The following LARS1 variants were observed in gnomAD, a reference collection of about 807,000 sequenced individuals.
LARS1 encodes leucyl-tRNA synthetase 1, also known as leucine--tRNA ligase, cytoplasmic.
A neutral mutation model predicts 162.8 loss-of-function variants in LARS1; 100 were observed. The ratio of observed to expected loss-of-function variants is 0.61; its 90% CI spans 0.52 to 0.73. LARS1 has a LOEUF of 0.73. Ranked by LOEUF, LARS1 falls within the 30% of genes least tolerant of loss-of-function variation. LARS1 has a pLI of 0.00. For missense variants in LARS1, 1,258 were observed against 1,408.9 expected (o/e 0.89, Z 1.71); for synonymous variants, 457 against 462.8 (o/e 0.99, Z 0.16).
rs1425057563 is a variant in LARS1 at position 146,164,753 on chromosome 5, G to A, written c.433-282C>T. 2.0e-5 allele frequency among the ~76,000 whole-genome samples: 3 copies of A among 152,114 alleles called. No individual in the cohort carries two copies. In the South Asian group the frequency reaches 6.2e-4, roughly 31 times the overall value. ...AACATAAAGAACTACCCATTATGAA[G>A]ATAAGATCTCAATACCAAACCTTCT... is the stretch of plus-strand genomic sequence containing the variant. On this transcript the variant is annotated intron_variant, in intron 5 of 31. Transcript: ENST00000394434.
intron 3 of LARS1, among the ~76,000 whole-genome samples, chr5:146,172,397 T>A (rs1243248831): frequency 6.6e-6 from 1 of 151,934 alleles, no homozygotes; most frequent in African/African-American, 2.4e-5. Flanking sequence ...GTGCCTGTAG[T>A]CCCAGCTACT....
chr5:146,134,414 G>C (rs1028851752), intron 22 of LARS1, among the ~76,000 whole-genome samples: 1 of 152,032 alleles, frequency 6.6e-6, no homozygotes, highest in Non-Finnish European at 1.5e-5. Context: ...TTTGGATACA[G>C]TTCCGTCTTT....
intron 5 of LARS1, among the ~76,000 whole-genome samples, chr5:146,166,534 T>C (rs1303823055): frequency 6.6e-6 from 1 of 151,086 alleles, no homozygotes; most frequent in East Asian, 1.9e-4. Context: ...TGAGACTCCA[T>C]CTCTTAAAAA....
intron 2 of LARS1, among the ~76,000 whole-genome samples, chr5:146,175,781 T>C (rs1262730917): frequency 6.6e-6 from 1 of 150,748 alleles, no homozygotes; most frequent in African/African-American, 2.4e-5. Flanking sequence ...TGAGCCGAGA[T>C]TGCGCCACTG....
At chr5:146,135,462 T>C in intron 22 of LARS1, 139 bp downstream of exon 22, 1 of 622,532 alleles carries the variant, frequency 1.6e-6, no homozygotes, top group South Asian at 2.0e-5. Flanking sequence ...ATGTTGCTCA[T>C]CCACAAAGGA....
chr5:146,165,590 C>T (rs1240869737), intron 5 of LARS1, among the ~76,000 whole-genome samples: 2 of 151,672 alleles, frequency 1.3e-5, no homozygotes, highest in Non-Finnish European at 2.9e-5. Context: ...AATTCAACCA[C>T]GATGCTGAAG....
rs1460465185 is a variant in LARS1, at chr5:146,173,268, C to A, written c.126-494G>T. Among the ~76,000 whole-genome samples the A allele has an allele frequency of 4.0e-5, 6 of 151,742 alleles. No homozygotes were observed. The East Asian group carries it at 1.2e-3, about 30-fold the overall frequency. On this transcript the variant is annotated intron_variant, in intron 2 of 31. Transcript: ENST00000394434. Reference sequence around the variant, plus strand: ...GCATGAGAATCAAGAATCGCCTGATCATTGAACCTGAGAGGCAGAGGTTGC... The same window carrying A: ...GCATGAGAATCAAGAATCGCCTGATAATTGAACCTGAGAGGCAGAGGTTGC...
At position 146,123,991 on chromosome 5, in the gene LARS1, A is replaced by C; in HGVS notation, c.3087T>G (p.Asn1029Lys). The C allele has an allele frequency of 6.3e-7, 1 of 1,592,846 alleles. No individual in the cohort carries two copies. The highest frequency in any genetic ancestry group is 8.6e-7 in the Non-Finnish European group (1 of 1,162,326). ...TCCCTGGCCCTCTTACCTCAAGCGA[A>C]TTAGTCAGATAGACTATATTCTCCA... ...VLMENIVYLTNSLELEHIEVK... is the reference protein window; with the variant it reads ...VLMENIVYLTKSLELEHIEVK... Residue 1029 changes from asparagine (N) to lysine (K), a missense_variant, in exon 29 of 32, where the codon AAT becomes AAG. By Grantham distance (94) the Asn-to-Lys change is moderately conservative (BLOSUM62 0). Transcript: ENST00000394434.
intron 1 of LARS1, among the ~76,000 whole-genome samples, chr5:146,180,134 G>A (rs1298450715): frequency 2.6e-5 from 4 of 152,184 alleles, no homozygotes; most frequent in African/African-American, 9.7e-5. Context: ...GGAACACTGA[G>A]GCCAGAGGAT....
chr5:146,155,621 C>A (rs538631166), intron 10 of LARS1, among the ~76,000 whole-genome samples: 1 of 152,200 alleles, frequency 6.6e-6, no homozygotes. Context: ...TTCCCACCCA[C>A]CCCTCTTTAT....
At chr5:146,165,873 G>A (rs530932262) in intron 5 of LARS1, among the ~76,000 whole-genome samples, 39 of 152,286 alleles carry the variant, frequency 2.6e-4, no homozygotes, top group African/African-American at 9.1e-4. Context: ...TGAGAGCCAA[G>A]TTTCTCACTG....
At chr5:146,153,857 T>C in intron 11 of LARS1, 36 bp downstream of exon 11, 2 of 1,607,730 alleles carry the variant, frequency 1.2e-6, no homozygotes, top group Non-Finnish European at 1.7e-6. Context: ...AAAATGTGTT[T>C]ATCAAAATAT....
At chr5:146,146,177 C>T (rs1379156925) in intron 15 of LARS1, among the ~76,000 whole-genome samples, 1 of 151,968 alleles carries the variant, frequency 6.6e-6, no homozygotes, top group Non-Finnish European at 1.5e-5. Flanking sequence ...CCCGTCTCTA[C>T]TAAAAATACA....
At chr5:146,157,892 G>T in intron 8 of LARS1, 97 bp from the exon 9 acceptor site, 1 of 1,193,330 alleles carries the variant, frequency 8.4e-7, no homozygotes, top group Non-Finnish European at 1.2e-6. Flanking sequence ...CCCTAAAATG[G>T]GTTCTTGCAT....
chr5:146,144,310 T>TA lies in LARS1; in HGVS notation c.1694dup (p.Leu565PhefsTer23). 1 of 1,613,712 alleles carries TA rather than the reference T, an allele frequency of 6.2e-7. No individual in the cohort carries two copies. Among genetic ancestry groups the TA allele is most frequent in the East Asian group, 2.2e-5 (1 of 44,868 alleles). ...AGCAAGCATGTTCTTGTAGCCAACC[T>TA]AAGGTGGCTTCAAAATTCCTCCTGG... On this transcript the variant is annotated frameshift_variant, in exon 18 of 32. Coordinates refer to ENST00000394434, the MANE Select transcript of LARS1 (RefSeq NM_020117.11). LOFTEE classifies it high-confidence loss of function.
In LARS1 at chr5:146,168,237, A is replaced by G. The variant is rs180811158; in HGVS notation, c.323T>C (p.Ile108Thr). The change falls in exon 5 of 32, where the codon ATA becomes ACA. Residue 108 changes from isoleucine to threonine, a missense_variant. Coordinates refer to ENST00000394434, the MANE Select transcript of LARS1 (RefSeq NM_020117.11). ...ATCAGGGGGGCAACCATACAGCTCT[A>G]TTTCTCTTTTCAACTTATCAGCACA... ...KACADKLKRE[I>T]ELYGCPPDFP... 220 of 1,612,914 alleles carry G rather than the reference A, an allele frequency of 1.4e-4. 1 individual carries two copies. In the East Asian group the frequency reaches 4.6e-3, roughly 34 times the overall value.
chr5:146,141,120 T>A (rs1346053643), intron 20 of LARS1, among the ~76,000 whole-genome samples: 1 of 152,186 alleles, frequency 6.6e-6, no homozygotes, highest in African/African-American at 2.4e-5. Context: ...TCAAACTATG[T>A]ACATGTCATT....
chr5:146,136,187 T>C (rs1752493184), intron 21 of LARS1, among the ~76,000 whole-genome samples: 2 of 152,222 alleles, frequency 1.3e-5, no homozygotes, highest in South Asian at 4.1e-4. Context: ...TTTAAAATTG[T>C]ATGTCATTAG....
chr5:146,126,485 C>G lies in LARS1; in HGVS notation c.2941G>C (p.Glu981Gln), dbSNP rs368667580. The change falls in exon 28 of 32, where the codon GAA (glutamate) becomes CAA (glutamine). Residue 981 changes from glutamate (E) to glutamine (Q), a missense_variant. Glu to Gln is a conservative substitution (Grantham distance 29). Transcript: ENST00000394434. ...VIASELGSMP[E>Q]LKKYMKKVMP... Reference sequence around the variant, plus strand: ...ACTTTCTTCATGTATTTCTTCAGTTCTGGCATACTGCCTAGTTCACTAGCA... The same window carrying G: ...ACTTTCTTCATGTATTTCTTCAGTTGTGGCATACTGCCTAGTTCACTAGCA... The G allele has an allele frequency of 7.4e-6, 12 of 1,612,444 alleles. No individual in the cohort carries two copies. The highest frequency in any genetic ancestry group is 1.0e-5 in the Non-Finnish European group (12 of 1,178,906).
Sources: gnomAD v4.1 joint callset for allele counts (sites outside exome capture counted in the v4.1 genomes callset) on GRCh38, gnomAD v4.1.1 for gene constraint, MANE v1.5 for transcripts, NCBI Gene and HGNC (gene_info 2026-07-23, HGNC 2026-07-21) for gene names.